Variants in FER1L6 observed in about 807,000 individuals in gnomAD.
FER1L6 encodes fer-1 like family member 6, also known as fer-1-like protein 6.
A neutral mutation model predicts 219.2 loss-of-function variants in FER1L6; 177 were observed. The observed-to-expected ratio is 0.81, with a 90% confidence interval of 0.71 to 0.91. The LOEUF is 0.91. FER1L6 is among the 40% of genes least tolerant of loss of function. The pLI is 0.00. For synonymous variants in FER1L6, 768 were observed against 824.3 expected (o/e 0.93, Z 1.17); for missense variants, 2,153 against 2,259.9 (o/e 0.95, Z 0.96).
intron 21 of FER1L6, among the ~76,000 whole-genome samples, chr8:124,048,304 C>T (rs564482618): frequency 2.6e-5 from 4 of 152,242 alleles, no homozygotes; most frequent in Non-Finnish European, 5.9e-5. Flanking sequence ...AGAGGTCCAA[C>T]AGCTTTCACT....
chr8:123,857,210 T>A (rs74519674), intron 1 of FER1L6, among the ~76,000 whole-genome samples: 4,902 of 152,238 alleles, frequency 0.032, 208 homozygotes, highest in African/African-American at 0.098. Context: ...TATATTTAAT[T>A]ATTAAAAAGT....
At chr8:123,916,513 G>C (rs1024466946) in intron 1 of FER1L6, among the ~76,000 whole-genome samples, 2 of 152,174 alleles carry the variant, frequency 1.3e-5, no homozygotes, top group African/African-American at 4.8e-5. Context: ...AGAGGATAAT[G>C]ACAATCAGTT....
chr8:123,877,193 G>A (rs140566215), intron 1 of FER1L6, among the ~76,000 whole-genome samples: 176 of 152,346 alleles, frequency 1.2e-3, no homozygotes, highest in Non-Finnish European at 1.7e-3. Context: ...CTTGGCAAAC[G>A]TCACTCAAGA....
At chr8:123,950,107 C>T (rs745406936) in intron 1 of FER1L6, among the ~76,000 whole-genome samples, 3 of 152,158 alleles carry the variant, frequency 2.0e-5, no homozygotes, top group Admixed American at 6.5e-5. Context: ...CCATTTTCTT[C>T]GGCGCCCAGG....
intron 35 of FER1L6, among the ~76,000 whole-genome samples, chr8:124,096,476 T>C (rs1586332655): frequency 6.6e-6 from 1 of 152,104 alleles, no homozygotes; most frequent in South Asian, 2.1e-4. Context: ...CCAACCCATA[T>C]CCCTTACTCC....
intron 15 of FER1L6, among the ~76,000 whole-genome samples, chr8:124,016,893 TA>T (rs1397011066): frequency 6.6e-6 from 1 of 152,208 alleles, no homozygotes; most frequent in Non-Finnish European, 1.5e-5. Flanking sequence ...TAATTTAGTT[TA>T]ATTTTGAATC....
chr8:124,117,657 C>A (rs1203191178), intron 39 of FER1L6, among the ~76,000 whole-genome samples: 1 of 152,188 alleles, frequency 6.6e-6, no homozygotes, highest in Admixed American at 6.5e-5. Flanking sequence ...CACTTCTTTA[C>A]TAATTCAGAC....
At chr8:123,949,253 A>T (rs35049688) in intron 1 of FER1L6, among the ~76,000 whole-genome samples, 1 of 152,052 alleles carries the variant, frequency 6.6e-6, no homozygotes, top group Non-Finnish European at 1.5e-5. Context: ...TTGGAGAGTC[A>T]CAGTGCACAA....
intron 1 of FER1L6, among the ~76,000 whole-genome samples, chr8:123,947,116 C>G (rs972224135): frequency 6.6e-6 from 1 of 152,008 alleles, no homozygotes; most frequent in Non-Finnish European, 1.5e-5. Flanking sequence ...GAAACCCCGT[C>G]TCTACTAAAA....
intron 39 of FER1L6, among the ~76,000 whole-genome samples, chr8:124,114,433 A>G (rs990039928): frequency 2.6e-5 from 4 of 152,166 alleles, no homozygotes; most frequent in Non-Finnish European, 4.4e-5. Flanking sequence ...CCAGTAGCAA[A>G]GAAGACTCCT....
At chr8:123,901,689 G>T (rs1378153143) in intron 1 of FER1L6, among the ~76,000 whole-genome samples, 5 of 151,632 alleles carry the variant, frequency 3.3e-5, no homozygotes, top group East Asian at 1.9e-4. Context: ...CAGAGGTTTT[G>T]GTAGGTTGTG....
intron 5 of FER1L6, among the ~76,000 whole-genome samples, chr8:123,968,239 T>C (rs1352224219): frequency 2.6e-5 from 4 of 152,206 alleles, no homozygotes; most frequent in Non-Finnish European, 5.9e-5. Context: ...ACAGATTTAT[T>C]AATTATAATA....
At chr8:123,891,220 T>C (rs1181637937) in intron 1 of FER1L6, among the ~76,000 whole-genome samples, 1 of 152,202 alleles carries the variant, frequency 6.6e-6, no homozygotes, top group African/African-American at 2.4e-5. Flanking sequence ...AAGATTTTAG[T>C]GACGAAAGTT....
At chr8:123,865,302 G>C (rs1240320743) in intron 1 of FER1L6, among the ~76,000 whole-genome samples, 3 of 149,876 alleles carry the variant, frequency 2.0e-5, no homozygotes, top group South Asian at 4.2e-4. Flanking sequence ...CAGGGGTCAG[G>C]GGTCAGGGAC....
At chr8:124,051,712 T>C (rs1820041336) in intron 22 of FER1L6, among the ~76,000 whole-genome samples, 1 of 152,138 alleles carries the variant, frequency 6.6e-6, no homozygotes, top group African/African-American at 2.4e-5. Context: ...AGCTGGGGAT[T>C]CTGGGGAGCA....
intron 39 of FER1L6, among the ~76,000 whole-genome samples, chr8:124,112,845 C>A (rs113297884): frequency 1.3e-5 from 2 of 151,890 alleles, no homozygotes; most frequent in Non-Finnish European, 2.9e-5. Flanking sequence ...CAAGAGCAGA[C>A]AAGGGAGATA....
intron 6 of FER1L6, among the ~76,000 whole-genome samples, chr8:123,972,200 G>A (rs1037002886): frequency 1.3e-5 from 2 of 152,188 alleles, no homozygotes; most frequent in Non-Finnish European, 2.9e-5. Flanking sequence ...GGAAAATTTA[G>A]GTTAGGGAGA....
Position 124,021,601 on chromosome 8 carries a change from T to A in FER1L6, c.2065T>A (p.Leu689Ile), listed in dbSNP as rs1818454868. 3.1e-6 allele frequency: 5 copies of A among 1,614,136 alleles called. No individual in the cohort carries two copies. Among genetic ancestry groups the A allele is most frequent in the Non-Finnish European group, 4.2e-6 (5 of 1,179,990 alleles). ...KGIIQQQKKKLSVDEMIHEAQ... is the reference protein window; with the variant it reads ...KGIIQQQKKKISVDEMIHEAQ... Reference sequence around the variant, plus strand: ...GATCATTCAGCAGCAGAAGAAAAAGTTATCTGTTGATGAAATGATTCACGA... The same window carrying A: ...GATCATTCAGCAGCAGAAGAAAAAGATATCTGTTGATGAAATGATTCACGA... The change falls in exon 17 of 41, where the codon TTA becomes ATA. Residue 689 changes from leucine to isoleucine, a missense_variant. Coordinates refer to ENST00000522917, the MANE Select transcript of FER1L6 (RefSeq NM_001039112.2).
chr8:124,049,777 A>C (rs779413349), intron 22 of FER1L6, 21 bp downstream of exon 22: 2 of 1,613,366 alleles, frequency 1.2e-6, no homozygotes, highest in African/African-American at 2.7e-5. Flanking sequence ...CAGATGTGGC[A>C]CGAGATCTAT....
Sources: gnomAD v4.1 joint callset for allele counts (sites outside exome capture counted in the v4.1 genomes callset) on GRCh38, gnomAD v4.1.1 for gene constraint, MANE v1.5 for transcripts, NCBI Gene and HGNC (gene_info 2026-07-23, HGNC 2026-07-21) for gene names.